The following ERBB4 variants were observed in gnomAD, a reference collection of about 807,000 sequenced individuals.
ERBB4 encodes the protein receptor tyrosine-protein kinase erbB-4.
A neutral mutation model predicts 158.0 loss-of-function variants in ERBB4; 42 were observed. The ratio of observed to expected loss-of-function variants is 0.27; its 90% CI spans 0.21 to 0.34. The LOEUF is 0.34. Among genes scored for constraint, ERBB4 ranks in the 10% least tolerant of loss-of-function variants. The probability of loss-of-function intolerance (pLI) is 1.00; values close to 1 mark genes in which losing one functional copy is unlikely to be tolerated. For missense variants in ERBB4, 1,333 were observed against 1,624.1 expected (o/e 0.82, Z 3.08); for synonymous variants, 583 against 558.7 (o/e 1.04, Z -0.61).
intron 1 of ERBB4, among the ~76,000 whole-genome samples, chr2:212,521,613 T>G (rs909633950): frequency 8.6e-5 from 13 of 151,644 alleles, no homozygotes; most frequent in African/African-American, 3.1e-4. Context: ...TAATTAACAT[T>G]TATTGGGCAC....
At chr2:212,036,812 T>C (rs2077025340) in intron 2 of ERBB4, among the ~76,000 whole-genome samples, 1 of 152,032 alleles carries the variant, frequency 6.6e-6, no homozygotes, top group Non-Finnish European at 1.5e-5. Flanking sequence ...GTTTAGATTC[T>C]ATTAAAAAAA....
intron 12 of ERBB4, among the ~76,000 whole-genome samples, chr2:211,694,489 A>C (rs1361385329): frequency 6.6e-6 from 1 of 152,178 alleles, no homozygotes; most frequent in Non-Finnish European, 1.5e-5. Flanking sequence ...GAACATAGTG[A>C]ACATTTTCTA....
At chr2:212,295,232 T>G (rs60764990) in intron 1 of ERBB4, among the ~76,000 whole-genome samples, 37 of 152,024 alleles carry the variant, frequency 2.4e-4, no homozygotes, top group Non-Finnish European at 3.7e-4. Context: ...AGAACTCTTT[T>G]AAATATCAAT....
At chr2:211,766,812 T>C (rs1425689401) in intron 4 of ERBB4, among the ~76,000 whole-genome samples, 2 of 152,142 alleles carry the variant, frequency 1.3e-5, no homozygotes, top group African/African-American at 4.8e-5. Context: ...GCTACTCCTT[T>C]TGCAACACCC....
intron 1 of ERBB4, among the ~76,000 whole-genome samples, chr2:212,167,029 T>C (rs999947434): frequency 6.6e-6 from 1 of 152,162 alleles, no homozygotes; most frequent in African/African-American, 2.4e-5. Flanking sequence ...GACATAGGTA[T>C]GGGCAAAGAC....
intron 3 of ERBB4, among the ~76,000 whole-genome samples, chr2:211,837,151 A>G (rs1450864156): frequency 6.6e-6 from 1 of 152,124 alleles, no homozygotes; most frequent in Middle Eastern, 3.2e-3. Flanking sequence ...CTATAATTCC[A>G]TATCACAGGA....
chr2:212,071,559 T>C (rs2078119135), intron 2 of ERBB4, among the ~76,000 whole-genome samples: 1 of 152,008 alleles, frequency 6.6e-6, no homozygotes, highest in Non-Finnish European at 1.5e-5. Flanking sequence ...TCTATCACCA[T>C]TGAAATCATT....
At chr2:212,126,565 CTTAATG>C (rs2079936225) in intron 1 of ERBB4, among the ~76,000 whole-genome samples, 1 of 151,474 alleles carries the variant, frequency 6.6e-6, no homozygotes, top group Non-Finnish European at 1.5e-5. Context: ...ATCTTCACCA[CTTAATG>C]TACTGACTCT....
chr2:211,993,575 CT>C (rs1400723687), intron 2 of ERBB4, among the ~76,000 whole-genome samples: 5 of 150,616 alleles, frequency 3.3e-5, no homozygotes, highest in African/African-American at 1.2e-4. Context: ...CCCCAAATTG[CT>C]ATTTTTTTTT....
At chr2:212,333,065 G>T (rs1454268583) in intron 1 of ERBB4, among the ~76,000 whole-genome samples, 1 of 152,032 alleles carries the variant, frequency 6.6e-6, no homozygotes, top group Non-Finnish European at 1.5e-5. Context: ...TTTGTGTGAG[G>T]TGGTTAAAAT....
At chr2:212,499,880 GA>G (rs1213876529) in intron 1 of ERBB4, among the ~76,000 whole-genome samples, 2 of 152,060 alleles carry the variant, frequency 1.3e-5, no homozygotes, top group African/African-American at 4.8e-5. Flanking sequence ...TGAAGACACA[GA>G]AAAGAATAGG....
intron 4 of ERBB4, chr2:211,779,721 T>G (rs1032797141): frequency 1.3e-5 from 2 of 152,160 alleles, no homozygotes; most frequent in Non-Finnish European, 2.9e-5. Context: ...TTTATGGCTG[T>G]CCACCACCTT....
chr2:212,006,053 C>A (rs1575505199), intron 2 of ERBB4, among the ~76,000 whole-genome samples: 1 of 152,036 alleles, frequency 6.6e-6, no homozygotes, highest in Middle Eastern at 3.2e-3. Context: ...TTAATTTAAA[C>A]CTGTACAAGC....
chr2:212,061,007 TA>T (rs1392345308), intron 2 of ERBB4, among the ~76,000 whole-genome samples: 2 of 150,794 alleles, frequency 1.3e-5, no homozygotes, highest in African/African-American at 2.4e-5. Context: ...AAAAAGTAAA[TA>T]AAAAATATTT....
intron 2 of ERBB4, among the ~76,000 whole-genome samples, chr2:212,083,959 T>G (rs2078524907): frequency 6.6e-6 from 1 of 151,222 alleles, no homozygotes; most frequent in Non-Finnish European, 1.5e-5. Flanking sequence ...AACCTGCCTA[T>G]TCTTTGACAA....
Position 211,386,953 on chromosome 2 carries a change from C to T in ERBB4, c.3381G>A (p.Arg1127=), listed in dbSNP as rs2125318783. 1 of 1,614,028 alleles carries T rather than the reference C, an allele frequency of 6.2e-7. No homozygotes were observed. The highest frequency in any genetic ancestry group is 1.1e-5 in the South Asian group (1 of 91,066). ...PHVQEDSSTQ[R]YSADPTVFAP... Reference sequence around the variant, plus strand: ...CAAACACGGTGGGGTCAGCACTGTACCTCTGGGTGCTACTGTCCTCTTGGA... The same window carrying T: ...CAAACACGGTGGGGTCAGCACTGTATCTCTGGGTGCTACTGTCCTCTTGGA... Residue 1127 remains arginine (R), a synonymous_variant, in exon 27 of 28, where the codon AGG becomes AGA. Transcript: ENST00000342788.
At chr2:212,107,644 G>T (rs972764409) in intron 2 of ERBB4, among the ~76,000 whole-genome samples, 2 of 152,088 alleles carry the variant, frequency 1.3e-5, no homozygotes, top group Admixed American at 1.3e-4. Flanking sequence ...AGGGGCCAGG[G>T]GCAGAATGAT....
At chr2:211,656,317 T>C (rs2071215035) in intron 16 of ERBB4, among the ~76,000 whole-genome samples, 2 of 142,982 alleles carry the variant, frequency 1.4e-5, no homozygotes, top group Non-Finnish European at 1.5e-5. Flanking sequence ...TACAAGAGTT[T>C]ACATTAAAAG....
chr2:211,478,673 A>G (rs1370413113), intron 20 of ERBB4, among the ~76,000 whole-genome samples: 1 of 151,592 alleles, frequency 6.6e-6, no homozygotes, highest in Non-Finnish European at 1.5e-5. Flanking sequence ...CCTGCTTTCA[A>G]CATCCTAATT....
Sources: gnomAD v4.1 joint callset for allele counts (sites outside exome capture counted in the v4.1 genomes callset) on GRCh38, gnomAD v4.1.1 for gene constraint, MANE v1.5 for transcripts, NCBI Gene and HGNC (gene_info 2026-07-23, HGNC 2026-07-21) for gene names.